NXPH2: variants seen among roughly 807,000 people sequenced by gnomAD.
NXPH2 encodes neurexophilin 2, also known as neurexophilin-2.
A neutral mutation model predicts 19.8 loss-of-function variants in NXPH2; 5 were observed. The ratio of observed to expected loss-of-function variants is 0.25; its 90% CI spans 0.13 to 0.53. NXPH2 has a LOEUF of 0.53. Ranked by LOEUF, NXPH2 falls within the 20% of genes least tolerant of loss-of-function variation. NXPH2 has a pLI of 0.96. For synonymous variants in NXPH2, 154 were observed against 127.4 expected (o/e 1.21, Z -1.41); for missense variants, 289 against 322.8 (o/e 0.90, Z 0.80).
At chr2:138,721,022 A>T (rs1368108402) in intron 1 of NXPH2, among the ~76,000 whole-genome samples, 2 of 152,216 alleles carry the variant, frequency 1.3e-5, no homozygotes, top group Non-Finnish European at 2.9e-5. Flanking sequence ...GGGCATTATT[A>T]AATACTTTTG....
chr2:138,718,798 T>A (rs1001466042), intron 1 of NXPH2, among the ~76,000 whole-genome samples: 1 of 152,232 alleles, frequency 6.6e-6, no homozygotes, highest in East Asian at 1.9e-4. Flanking sequence ...AATGCCTTTT[T>A]AAAGTTGGTT....
intron 1 of NXPH2, among the ~76,000 whole-genome samples, chr2:138,690,342 C>T (rs1381352062): frequency 6.6e-6 from 1 of 152,140 alleles, no homozygotes; most frequent in Non-Finnish European, 1.5e-5. Flanking sequence ...TGCTCGTGTC[C>T]CATCTCACCC....
intron 1 of NXPH2, among the ~76,000 whole-genome samples, chr2:138,673,240 T>C (rs1680437971): frequency 6.6e-6 from 1 of 152,204 alleles, no homozygotes; most frequent in Non-Finnish European, 1.5e-5. Flanking sequence ...ACACCCTGAA[T>C]TGATACTCCT....
At chr2:138,756,647 G>A (rs1392308435) in intron 1 of NXPH2, among the ~76,000 whole-genome samples, 1 of 152,082 alleles carries the variant, frequency 6.6e-6, no homozygotes, top group Non-Finnish European at 1.5e-5. Context: ...ACAATAACAA[G>A]TGGAGGTGGC....
At chr2:138,703,946 G>C (rs1198792269) in intron 1 of NXPH2, among the ~76,000 whole-genome samples, 1 of 152,120 alleles carries the variant, frequency 6.6e-6, no homozygotes, top group Admixed American at 6.5e-5. Flanking sequence ...ACATTCACAG[G>C]CTTTTCCTGC....
intron 1 of NXPH2, among the ~76,000 whole-genome samples, chr2:138,744,579 G>A (rs1337762356): frequency 6.6e-6 from 1 of 152,116 alleles, no homozygotes; most frequent in Non-Finnish European, 1.5e-5. Flanking sequence ...AGTTACTGAT[G>A]CGTTTAATCT....
At chr2:138,772,234 CTT>C (rs1295177090) in intron 1 of NXPH2, among the ~76,000 whole-genome samples, 2 of 152,232 alleles carry the variant, frequency 1.3e-5, no homozygotes, top group African/African-American at 4.8e-5. Flanking sequence ...TGGCTACTAA[CTT>C]AACATGAAAA....
intron 1 of NXPH2, among the ~76,000 whole-genome samples, chr2:138,727,885 A>G (rs1414183837): frequency 6.6e-6 from 1 of 152,188 alleles, no homozygotes; most frequent in Non-Finnish European, 1.5e-5. Flanking sequence ...AGACAAAGGC[A>G]GACATTACTC....
At chr2:138,775,049 T>C (rs951119373) in intron 1 of NXPH2, among the ~76,000 whole-genome samples, 1 of 152,156 alleles carries the variant, frequency 6.6e-6, no homozygotes, top group Non-Finnish European at 1.5e-5. Flanking sequence ...AAAGGAAAAA[T>C]TAACTAGAAT....
intron 1 of NXPH2, among the ~76,000 whole-genome samples, chr2:138,718,121 A>G (rs868555459): frequency 3.2e-4 from 48 of 152,204 alleles, no homozygotes; most frequent in Middle Eastern, 6.8e-3. Flanking sequence ...GATGGAGGAG[A>G]GAATAATAAT....
chr2:138,768,235 C>T (rs1282071004), intron 1 of NXPH2, among the ~76,000 whole-genome samples: 2 of 152,022 alleles, frequency 1.3e-5, no homozygotes, highest in Non-Finnish European at 2.9e-5. Context: ...GATGATTTCT[C>T]TTAAGTGTCT....
chr2:138,718,896 G>A (rs966529953), intron 1 of NXPH2, among the ~76,000 whole-genome samples: 2 of 152,068 alleles, frequency 1.3e-5, no homozygotes, highest in African/African-American at 2.4e-5. Context: ...CAGGAGACGG[G>A]AGACACAGTC....
At chr2:138,674,078 A>G (rs1680451659) in intron 1 of NXPH2, among the ~76,000 whole-genome samples, 1 of 151,974 alleles carries the variant, frequency 6.6e-6, no homozygotes, top group Non-Finnish European at 1.5e-5. Context: ...CCTGGGCTCA[A>G]GTGATTCTCC....
In NXPH2 at chr2:138,690,139, T is replaced by A. The variant is rs147210925; in HGVS notation, c.52-18474A>T. 1.9e-3 allele frequency among the ~76,000 whole-genome samples: 289 copies of A among 152,304 alleles called. 1 individual carries two copies. Among genetic ancestry groups the A allele is most frequent in the African/African-American group, 6.7e-3 (278 of 41,570 alleles). ...ACTCCCTTGGCACATGCCTCATCCTTCCCACCTATGCGTCTCTGTCCGCCT... is the reference window on the plus strand; with the variant it reads ...ACTCCCTTGGCACATGCCTCATCCTACCCACCTATGCGTCTCTGTCCGCCT... On this transcript the variant is annotated intron_variant, in intron 1 of 1. Transcript: ENST00000272641.
chr2:138,709,185 C>T lies in NXPH2; in HGVS notation c.52-37520G>A, dbSNP rs113498234. Among the ~76,000 whole-genome samples the T allele has an allele frequency of 1.8e-4, 27 of 152,194 alleles. 2 individuals carry two copies. The highest frequency in any genetic ancestry group is 6.0e-4 in the African/African-American group (25 of 41,532). ...GCTGGGGTGCTGGCTCCACTCGAGA[C>T]GGTACAACAGCCCCTTCTATCCTCT... On this transcript the variant is annotated intron_variant, in intron 1 of 1. Transcript: ENST00000272641.
At chr2:138,683,519 GT>G (rs1228266176) in intron 1 of NXPH2, among the ~76,000 whole-genome samples, 1 of 152,176 alleles carries the variant, frequency 6.6e-6, no homozygotes, top group East Asian at 1.9e-4. Flanking sequence ...CGCGGTGTGG[GT>G]TTGGAAAAGT....
intron 1 of NXPH2, among the ~76,000 whole-genome samples, chr2:138,770,583 G>A (rs751787491): frequency 1.7e-4 from 26 of 151,320 alleles, no homozygotes; most frequent in Non-Finnish European, 3.4e-4. Flanking sequence ...AAAATCCAGG[G>A]GAATCAAATA....
At chr2:138,769,699 G>A (rs1162345996) in intron 1 of NXPH2, among the ~76,000 whole-genome samples, 2 of 152,134 alleles carry the variant, frequency 1.3e-5, no homozygotes, top group African/African-American at 4.8e-5. Flanking sequence ...TGGCACCAAG[G>A]CAGCTACCAG....
intron 1 of NXPH2, among the ~76,000 whole-genome samples, chr2:138,708,329 A>T (rs1681047802): frequency 6.6e-6 from 1 of 152,200 alleles, no homozygotes; most frequent in Admixed American, 6.5e-5. Context: ...ATGAATTAAG[A>T]TGTTTTAGAA....
Sources: allele counts gnomAD v4.1 joint callset (sites outside exome capture counted in the v4.1 genomes callset), GRCh38; gene constraint gnomAD v4.1.1; transcripts MANE v1.5; gene names NCBI Gene and HGNC (gene_info 2026-07-23, HGNC 2026-07-21).